The following NPLOC4 variants were observed in gnomAD, a reference collection of about 807,000 sequenced individuals.
NPLOC4 encodes nuclear protein localization protein 4 homolog.
A neutral mutation model predicts 80.6 loss-of-function variants in NPLOC4; 18 were observed. The ratio of observed to expected loss-of-function variants is 0.22; its 90% CI spans 0.15 to 0.33. NPLOC4 has a LOEUF of 0.33. Ranked by LOEUF, NPLOC4 falls within the 10% of genes least tolerant of loss-of-function variation. NPLOC4 has a pLI of 1.00. For synonymous variants in NPLOC4, 313 were observed against 301.5 expected, an observed-to-expected ratio of 1.04 and a Z score of -0.39; for missense variants, 540 against 786.1, an observed-to-expected ratio of 0.69 and a Z score of 3.74.
At chr17:81,616,676 G>A (rs1266432183) in intron 3 of NPLOC4, among the ~76,000 whole-genome samples, 1 of 151,460 alleles carries the variant, frequency 6.6e-6, no homozygotes, top group Non-Finnish European at 1.5e-5. Context: ...CTTGCAGTGA[G>A]CCAAGATGGT....
chr17:81,588,729 T>C (rs563750215), intron 12 of NPLOC4, among the ~76,000 whole-genome samples: 19 of 152,338 alleles, frequency 1.2e-4, no homozygotes, highest in African/African-American at 4.3e-4. Flanking sequence ...AGCCAGTGCA[T>C]GTAGCTCCAC....
chr17:81,627,755 C>T (rs1012067633), intron 2 of NPLOC4, among the ~76,000 whole-genome samples: 5 of 151,068 alleles, frequency 3.3e-5, no homozygotes, highest in South Asian at 2.1e-4. Context: ...GCAACAAGAG[C>T]GAAACTCTGT....
At chr17:81,564,532 G>C (rs994538867) in intron 16 of NPLOC4, 1 of 152,372 alleles carries the variant, frequency 6.6e-6, no homozygotes, top group Non-Finnish European at 1.5e-5. Context: ...GCTCACACCT[G>C]TAATCCCAAC....
At chr17:81,585,192 A>G (rs1445836019) in intron 12 of NPLOC4, among the ~76,000 whole-genome samples, 3 of 151,044 alleles carry the variant, frequency 2.0e-5, no homozygotes, top group Non-Finnish European at 4.4e-5. Context: ...AAAAAAAAAA[A>G]AAAGAGTATG....
chr17:81,564,083 A>AACACAC (rs58774657), intron 16 of NPLOC4: 16,919 of 273,854 alleles, frequency 0.062, 391 homozygotes, highest in Non-Finnish European at 0.08. Flanking sequence ...TCCAGCTCAA[A>AACACAC]ACACACACAC....
At position 81,602,230 on chromosome 17, in the gene NPLOC4, A is replaced by AAAAC. The variant is rs577217580; in HGVS notation, c.835-1807_835-1804dup. The stretch of plus-strand genomic sequence containing the variant: ...GCGAGACCTTGTTTCAAAACAAAAC[A>AAAAC]AAACAAACAAACAAACAAACAAAAA... On this transcript the variant is annotated intron_variant, in intron 8 of 16. Transcript: ENST00000331134. 2.2e-3 allele frequency among the ~76,000 whole-genome samples: 340 copies of AAAAC among 152,230 alleles called. 2 individuals are homozygous for AAAAC. Among genetic ancestry groups the AAAAC allele is most frequent in the African/African-American group, 7.5e-3 (313 of 41,514 alleles).
At chr17:81,600,995 G>A (rs1290006136) in intron 8 of NPLOC4, among the ~76,000 whole-genome samples, 1 of 152,192 alleles carries the variant, frequency 6.6e-6, no homozygotes, top group Non-Finnish European at 1.5e-5. Flanking sequence ...GGGAAAAGGT[G>A]TTCAAAAATC....
At chr17:81,611,251 C>A (rs1329205480) in intron 4 of NPLOC4, among the ~76,000 whole-genome samples, 1 of 152,040 alleles carries the variant, frequency 6.6e-6, no homozygotes, top group Admixed American at 6.6e-5. Context: ...ACCTGGGAGG[C>A]AAAGGTTGCG....
chr17:81,578,340 G>A (rs897457710), intron 12 of NPLOC4, among the ~76,000 whole-genome samples: 2 of 151,886 alleles, frequency 1.3e-5, no homozygotes, highest in African/African-American at 2.4e-5. Context: ...CCACCTCGGC[G>A]CACCCTGCTC....
At chr17:81,603,780 A>G (rs866825945) in intron 8 of NPLOC4, among the ~76,000 whole-genome samples, 2 of 152,188 alleles carry the variant, frequency 1.3e-5, no homozygotes, top group Middle Eastern at 3.2e-3. Flanking sequence ...ACAGACATAA[A>G]TGTACTTCTC....
intron 16 of NPLOC4, chr17:81,562,560 C>T (rs1477273708): frequency 6.6e-6 from 1 of 151,852 alleles, no homozygotes; most frequent in Non-Finnish European, 1.5e-5. Context: ...ACAAAAAACC[C>T]ATGAAAAAAT....
intron 16 of NPLOC4, chr17:81,564,105 C>CACACACACACACAG (rs762577157): frequency 1.4e-4 from 46 of 334,656 alleles, no homozygotes; most frequent in South Asian, 6.5e-4. Context: ...CACACACACA[C>CACACACACACACAG]ACACACACAC....
intron 12 of NPLOC4, among the ~76,000 whole-genome samples, chr17:81,574,798 G>C (rs2034250003): frequency 6.6e-6 from 1 of 152,154 alleles, no homozygotes; most frequent in Admixed American, 6.5e-5. Context: ...CAGACGGCTT[G>C]AGGTCGGGAG....
intron 15 of NPLOC4, among the ~76,000 whole-genome samples, chr17:81,566,116 G>A (rs574545385): frequency 5.4e-4 from 82 of 152,290 alleles, no homozygotes; most frequent in Admixed American, 4.7e-3. Context: ...GACAGATCAC[G>A]AGGTCAGGAG....
At chr17:81,586,641 T>G (rs1401274354) in intron 12 of NPLOC4, among the ~76,000 whole-genome samples, 1 of 151,810 alleles carries the variant, frequency 6.6e-6, no homozygotes, top group African/African-American at 2.4e-5. Flanking sequence ...GCAAAAGTTT[T>G]AAGGTACATG....
chr17:81,585,665 G>GA (rs1347211521), intron 12 of NPLOC4, among the ~76,000 whole-genome samples: 25 of 147,186 alleles, frequency 1.7e-4, no homozygotes, highest in Non-Finnish European at 3.4e-4. Flanking sequence ...CATTTCTGGG[G>GA]GGGGGGGGAA....
chr17:81,599,099 G>A (rs1174365094), intron 9 of NPLOC4, among the ~76,000 whole-genome samples: 2 of 152,162 alleles, frequency 1.3e-5, no homozygotes, highest in Non-Finnish European at 2.9e-5. Flanking sequence ...GACCAGCCTG[G>A]CCAACATGGT....
chr17:81,565,461 G>A (rs758194609), intron 16 of NPLOC4, 44 bp downstream of exon 16: 62 of 1,467,542 alleles, frequency 4.2e-5, no homozygotes, highest in South Asian at 2.2e-4. Context: ...GCTGCTCTCC[G>A]GCCCCAGCCA....
At chr17:81,618,263 C>A (rs1334585456) in intron 3 of NPLOC4, among the ~76,000 whole-genome samples, 1 of 151,630 alleles carries the variant, frequency 6.6e-6, no homozygotes, top group Non-Finnish European at 1.5e-5. Context: ...AGCGTCTCTG[C>A]CCGGCCGCCC....
Sources: allele counts gnomAD v4.1 joint callset (sites outside exome capture counted in the v4.1 genomes callset), GRCh38; gene constraint gnomAD v4.1.1; transcripts MANE v1.5; gene names NCBI Gene and HGNC (gene_info 2026-07-23, HGNC 2026-07-21).